Variants in SAMD5 observed in about 807,000 individuals in gnomAD.
SAMD5 encodes sterile alpha motif domain containing 5, also known as sterile alpha motif domain-containing protein 5.
Under a neutral mutation model 11.3 loss-of-function variants are expected in SAMD5, and 13 were observed. The ratio of observed to expected loss-of-function variants is 1.15; its 90% CI spans 0.75 to 1.83. SAMD5 has a LOEUF of 1.83. Ranked by LOEUF, SAMD5 falls within the 40% of genes most tolerant of loss-of-function variation. The probability of loss-of-function intolerance (pLI) is 0.00; values close to 1 mark genes in which losing one functional copy is unlikely to be tolerated. For missense variants in SAMD5, 255 were observed against 239.1 expected, an observed-to-expected ratio of 1.07 and a Z score of -0.44; for synonymous variants, 129 against 111.3, an observed-to-expected ratio of 1.16 and a Z score of -1.00.
intron 1 of SAMD5, among the ~76,000 whole-genome samples, chr6:147,545,963 G>A (rs1788678991): frequency 6.6e-6 from 1 of 152,150 alleles, no homozygotes; most frequent in African/African-American, 2.4e-5. Flanking sequence ...TGCATATAAA[G>A]CTGTTAAATC....
intron 1 of SAMD5, among the ~76,000 whole-genome samples, chr6:147,651,762 T>C (rs1384975804): frequency 2.6e-5 from 4 of 152,220 alleles, no homozygotes; most frequent in Non-Finnish European, 4.4e-5. Context: ...TATTCAACTT[T>C]TACATAAAGA....
chr6:147,952,658 G>A, the SAMD5 span, among the ~76,000 whole-genome samples: 1 of 152,090 alleles, frequency 6.6e-6, no homozygotes, highest in Admixed American at 6.5e-5. Flanking sequence ...TTACAGGCAT[G>A]CACCACCACA....
rs534340589 is a variant in SAMD5 at position 147,687,305 on chromosome 6, T to G, written c.163-50012T>G. ...TTTTTTTTTTTTTTTTTTTAGGTTA[T>G]AGAGTCTCACTCCATTACCCAGGCT... On this transcript the variant is annotated intron_variant, in intron 1 of 1. Coordinates refer to the SAMD5 transcript ENST00000566741. Among the ~76,000 whole-genome samples the G allele has an allele frequency of 4.3e-5, 6 of 137,940 alleles. No individual in the cohort carries two copies. In the East Asian group the frequency reaches 1.3e-3, roughly 31 times the overall value. The allele number at this position is 137,940 out of a possible 152,430, so 90.5% of individuals were successfully genotyped here. A position where few individuals can be genotyped will look rare whatever the true frequency, so the allele number is the denominator to read the frequency against.
chr6:147,918,968 G>A, the SAMD5 span, among the ~76,000 whole-genome samples: 1 of 152,072 alleles, frequency 6.6e-6, no homozygotes, highest in Non-Finnish European at 1.5e-5. Flanking sequence ...GCCTCCCAAA[G>A]TGCTGGAATT....
chr6:147,883,173 G>A, the SAMD5 span, among the ~76,000 whole-genome samples: 1 of 152,214 alleles, frequency 6.6e-6, no homozygotes, highest in Non-Finnish European at 1.5e-5. Flanking sequence ...GTGATTGAAT[G>A]TAGTAGGCAC....
intron 1 of SAMD5, among the ~76,000 whole-genome samples, chr6:147,603,373 A>G (rs972057673): frequency 6.6e-6 from 1 of 152,206 alleles, no homozygotes; most frequent in Non-Finnish European, 1.5e-5. Flanking sequence ...ATTGATGAAC[A>G]GAGAGATCCT....
chr6:147,889,041 T>A, the SAMD5 span, among the ~76,000 whole-genome samples: 1 of 152,300 alleles, frequency 6.6e-6, no homozygotes, highest in African/African-American at 2.4e-5. Flanking sequence ...TTTGGAAAGG[T>A]TTTGGCCACT....
chr6:147,627,436 A>G (rs1047739076), intron 1 of SAMD5, among the ~76,000 whole-genome samples: 4 of 152,220 alleles, frequency 2.6e-5, no homozygotes, highest in African/African-American at 9.6e-5. Flanking sequence ...GAATCTATTT[A>G]GTAAAATTAG....
intron 1 of SAMD5, among the ~76,000 whole-genome samples, chr6:147,538,678 A>G (rs1471479358): frequency 6.6e-6 from 1 of 152,212 alleles, no homozygotes; most frequent in Non-Finnish European, 1.5e-5. Context: ...CAAAGTAGGT[A>G]AATCAAACAA....
At chr6:147,539,718 G>A (rs1353122025) in intron 1 of SAMD5, among the ~76,000 whole-genome samples, 1 of 151,254 alleles carries the variant, frequency 6.6e-6, no homozygotes, top group Admixed American at 6.6e-5. Flanking sequence ...AAAAAAAATG[G>A]AGAAAAATAA....
At chr6:147,733,890 T>A (rs1791755311) in intron 1 of SAMD5, 1 of 193,174 alleles carries the variant, frequency 5.2e-6, no homozygotes, top group Non-Finnish European at 9.5e-6. Context: ...CCTCGGACAG[T>A]GTTAACTATG....
chr6:147,613,924 T>C (rs12203413), intron 1 of SAMD5, among the ~76,000 whole-genome samples: 40,965 of 151,936 alleles, frequency 0.27, 6,874 homozygotes, highest in South Asian at 0.35. Flanking sequence ...CTCCTATCCT[T>C]CTGGTGAGTG....
At chr6:147,929,877 G>A in the SAMD5 span, among the ~76,000 whole-genome samples, 2 of 152,148 alleles carry the variant, frequency 1.3e-5, no homozygotes, top group African/African-American at 4.8e-5. Flanking sequence ...GTTTGAAATA[G>A]TTTGATTCTG....
chr6:147,587,364 A>G (rs951431552), intron 1 of SAMD5, among the ~76,000 whole-genome samples: 1 of 152,006 alleles, frequency 6.6e-6, no homozygotes, highest in Non-Finnish European at 1.5e-5. Flanking sequence ...CAGCCTCCCC[A>G]GTAGCTGGGA....
At chr6:147,835,238 AAAAAAAAAC>A in the SAMD5 span, among the ~76,000 whole-genome samples, 7 of 150,568 alleles carry the variant, frequency 4.6e-5, no homozygotes, top group African/African-American at 1.5e-4. Flanking sequence ...ATCTTAAAAA[AAAAAAAAAC>A]AAAAAAAACA....
the SAMD5 span, among the ~76,000 whole-genome samples, chr6:147,870,803 A>AAGGGGAGGGAGGAGGAGGGG: frequency 8.4e-6 from 1 of 119,522 alleles, no homozygotes; most frequent in Non-Finnish European, 1.7e-5. Context: ...GGGAAGAGGG[A>AAGGGGAGGGAGGAGGAGGGG]AGGGGAGGGA....
At chr6:147,748,773 C>G in the SAMD5 span, among the ~76,000 whole-genome samples, 1 of 152,136 alleles carries the variant, frequency 6.6e-6, no homozygotes, top group Non-Finnish European at 1.5e-5. Flanking sequence ...GACAGTAATT[C>G]CCTAAAAAAG....
At chr6:147,853,273 A>G in the SAMD5 span, among the ~76,000 whole-genome samples, 1 of 152,148 alleles carries the variant, frequency 6.6e-6, no homozygotes, top group East Asian at 1.9e-4. Flanking sequence ...AACTCTAAGA[A>G]AAGATGGCTT....
the SAMD5 span, among the ~76,000 whole-genome samples, chr6:147,915,304 T>G: frequency 6.6e-6 from 1 of 152,306 alleles, no homozygotes; most frequent in African/African-American, 2.4e-5. Flanking sequence ...ATTTCTGTAT[T>G]TATAGAAAAA....
Sources: allele counts gnomAD v4.1 joint callset (sites outside exome capture counted in the v4.1 genomes callset), GRCh38; gene constraint gnomAD v4.1.1; transcripts MANE v1.5; gene names NCBI Gene and HGNC (gene_info 2026-07-23, HGNC 2026-07-21).